SPEN: variants seen among roughly 807,000 people sequenced by gnomAD.
SPEN encodes the protein msx2-interacting protein.
Under a neutral mutation model 269.9 loss-of-function variants are expected in SPEN, and 18 were observed. That is an observed-to-expected ratio of 0.07 (90% CI 0.05 to 0.10). The LOEUF is 0.10. SPEN is among the 10% of genes least tolerant of loss of function. The pLI is 1.00. For missense variants in SPEN, 3,822 were observed against 4,631.2 expected (o/e 0.83, Z 5.07); for synonymous variants, 1,726 against 1,765.7 (o/e 0.98, Z 0.56).
intron 5 of SPEN, among the ~76,000 whole-genome samples, chr1:15,913,017 T>C (rs1409022922): frequency 6.6e-6 from 1 of 152,218 alleles, no homozygotes; most frequent in East Asian, 1.9e-4. Context: ...TTGGTTCAAG[T>C]ATAGAAAAGC....
chr1:15,890,557 G>GATTT (rs1253450395), intron 3 of SPEN, among the ~76,000 whole-genome samples: 2 of 139,462 alleles, frequency 1.4e-5, no homozygotes. Context: ...TTTTGACTCA[G>GATTT]GTTTTTTTTT....
At chr1:15,913,062 C>T (rs1570040643) in intron 5 of SPEN, among the ~76,000 whole-genome samples, 1 of 152,244 alleles carries the variant, frequency 6.6e-6, no homozygotes, top group East Asian at 1.9e-4. Flanking sequence ...ACATTAAAAC[C>T]AGTTAAATGG....
intron 5 of SPEN, among the ~76,000 whole-genome samples, chr1:15,912,747 C>G (rs2071022861): frequency 6.6e-6 from 1 of 152,166 alleles, no homozygotes. Context: ...AAGAGCAACT[C>G]CAGGAGTTCT....
intron 10 of SPEN, among the ~76,000 whole-genome samples, chr1:15,926,250 G>C (rs934207083): frequency 2.0e-5 from 3 of 151,808 alleles, no homozygotes; most frequent in African/African-American, 7.3e-5. Flanking sequence ...CAAAAAAATT[G>C]GCCAAGCGTG....
chr1:15,886,483 C>T (rs1407310258), intron 3 of SPEN, among the ~76,000 whole-genome samples: 1 of 152,136 alleles, frequency 6.6e-6, no homozygotes. Context: ...AGGGGCGGGG[C>T]GCAGGGACCC....
rs749686153 is a variant in SPEN at position 15,932,771 on chromosome 1, C to T, written c.6531C>T (p.His2177=). 22 of 1,614,082 alleles carry T rather than the reference C, an allele frequency of 1.4e-5. No homozygotes were observed. The highest frequency in any genetic ancestry group is 1.9e-5 in the Non-Finnish European group (22 of 1,180,040). Residue 2177 remains histidine, a synonymous_variant, in exon 11 of 15, where the codon CAC becomes CAT. Coordinates refer to ENST00000375759, the MANE Select transcript of SPEN (RefSeq NM_015001.3). The surrounding 1 kb of genome is among the most constrained non-coding windows in gnomAD (Gnocchi z 4.2). ...TGGAGCTGGAGCAGGCCGTGGAACA[C>T]ATCGCAAAGCTCGCTGAGGCCTCTG... ...KQMELEQAVE[H]IAKLAEASAS...
At chr1:15,911,359 G>A (rs2071010661) in intron 5 of SPEN, 58 bp downstream of exon 5, 3 of 1,393,544 alleles carry the variant, frequency 2.2e-6, no homozygotes, top group African/African-American at 1.4e-5. Flanking sequence ...TTGTGTTGCA[G>A]TGTATGAGAG....
intron 3 of SPEN, among the ~76,000 whole-genome samples, chr1:15,894,349 A>T (rs1379990822): frequency 6.6e-6 from 1 of 152,134 alleles, no homozygotes; most frequent in Non-Finnish European, 1.5e-5. Context: ...TTCAGGGAGC[A>T]TGCATGTTTG....
At chr1:15,876,062 G>A (rs1329359147) in intron 2 of SPEN, 140 bp from the exon 3 acceptor site, 5 of 638,560 alleles carry the variant, frequency 7.8e-6, no homozygotes, top group South Asian at 3.9e-5. Context: ...GTTAGCGTTT[G>A]CTTATTAAGT....
chr1:15,936,642 C>CAAAAAAAAAAAA (rs60059470), intron 11 of SPEN, among the ~76,000 whole-genome samples: 15 of 123,760 alleles, frequency 1.2e-4, no homozygotes, highest in African/African-American at 4.2e-4. Context: ...GACCCAGTCT[C>CAAAAAAAAAAAA]AAAAAAAAAA....
intron 1 of SPEN, among the ~76,000 whole-genome samples, chr1:15,862,863 G>A (rs546202698): frequency 3.1e-4 from 47 of 151,868 alleles, no homozygotes; most frequent in African/African-American, 9.4e-4. Flanking sequence ...CCAGGTTCAC[G>A]CCATTCTCCT....
intron 3 of SPEN, among the ~76,000 whole-genome samples, chr1:15,906,059 A>G (rs142452590): frequency 6.6e-6 from 1 of 152,342 alleles, no homozygotes; most frequent in East Asian, 1.9e-4. Context: ...CATATTCTAT[A>G]CTGTCATCTG....
In SPEN at chr1:15,916,153, C is replaced by T. The variant is rs990919356; in HGVS notation, c.1269C>T (p.Arg423=). 4 of 1,611,602 alleles carry T rather than the reference C, an allele frequency of 2.5e-6. No homozygotes were observed. In the African/African-American group the frequency reaches 5.3e-5, roughly 22 times the overall value. ...GPETESENEF[R]PLDERIDEFH... is the part of the protein sequence containing the mutation. The stretch of plus-strand genomic sequence containing the variant: ...AAACAGAAAGTGAAAATGAATTTCG[C>T]CCCTTGGATGAAAGGATAGATGAAT... Residue 423 remains arginine, a synonymous_variant, in exon 6 of 15, where the codon CGC becomes CGT. Coordinates refer to ENST00000375759, the MANE Select transcript of SPEN (RefSeq NM_015001.3).
chr1:15,884,314 A>G (rs149051864), intron 3 of SPEN, among the ~76,000 whole-genome samples: 2 of 152,328 alleles, frequency 1.3e-5, no homozygotes, highest in Admixed American at 6.5e-5. Flanking sequence ...TAGAGGGGGA[A>G]TTTTACTCAC....
intron 3 of SPEN, among the ~76,000 whole-genome samples, chr1:15,900,486 A>G (rs2070889112): frequency 6.6e-6 from 1 of 152,170 alleles, no homozygotes; most frequent in Non-Finnish European, 1.5e-5. Context: ...CTTGGTTTTG[A>G]ATGGTGAAGT....
intron 1 of SPEN, among the ~76,000 whole-genome samples, chr1:15,859,140 G>T (rs1259483400): frequency 6.6e-5 from 9 of 135,670 alleles, no homozygotes; most frequent in South Asian, 2.3e-4. Context: ...TTCTTTTTTA[G>T]TTTTTTTTTT....
intron 3 of SPEN, among the ~76,000 whole-genome samples, chr1:15,889,500 A>G (rs560638790): frequency 3.3e-5 from 5 of 152,052 alleles, no homozygotes; most frequent in African/African-American, 1.2e-4. Flanking sequence ...GAATTAGCTG[A>G]GGTTTTATTC....
chr1:15,859,358 C>CTTTTTTTT (rs143092339), intron 1 of SPEN, among the ~76,000 whole-genome samples: 5 of 115,604 alleles, frequency 4.3e-5, no homozygotes, highest in African/African-American at 1.3e-4. Context: ...TTTTTCTTTT[C>CTTTTTTTT]TTTTTTTTTT....
chr1:15,928,942 C>G lies in SPEN; in HGVS notation c.2702C>G (p.Ala901Gly). 1.2e-6 allele frequency: 2 copies of G among 1,614,210 alleles called. No individual in the cohort carries two copies. The highest frequency in any genetic ancestry group is 3.3e-5 in the Admixed American group (2 of 60,026). ...IDHTPVEKLKAKLDNDTVKSS... is the reference protein window; with the variant it reads ...IDHTPVEKLKGKLDNDTVKSS... The stretch of plus-strand genomic sequence containing the variant: ...CACACTCCTGTGGAAAAGTTGAAAG[C>G]CAAGCTTGATAATGACACTGTCAAA... The change falls in exon 11 of 15, where the codon GCC becomes GGC. Residue 901 changes from alanine to glycine, a missense_variant. Coordinates refer to ENST00000375759, the MANE Select transcript of SPEN (RefSeq NM_015001.3). This position sits in a 1 kb window ranked among gnomAD's most constrained non-coding sequence, Gnocchi z 5.7.
Sources: gnomAD v4.1 joint callset for allele counts (sites outside exome capture counted in the v4.1 genomes callset) on GRCh38, gnomAD v4.1.1 for gene constraint, Gnocchi (gnomAD v3.1) non-coding constraint, MANE v1.5 for transcripts, NCBI Gene and HGNC (gene_info 2026-07-23, HGNC 2026-07-21) for gene names.